ATE1: variants seen among roughly 807,000 people sequenced by gnomAD.
ATE1 encodes the protein arginyl-tRNA--protein transferase 1.
Under a neutral mutation model 70.5 loss-of-function variants are expected in ATE1, and 36 were observed. That is an observed-to-expected ratio of 0.51 (90% CI 0.39 to 0.67). The LOEUF (loss-of-function observed/expected upper bound fraction) is 0.67, where lower values mean the gene tolerates loss of function less well. Among genes scored for constraint, ATE1 ranks in the 30% least tolerant of loss-of-function variants. ATE1 has a pLI of 0.00. For synonymous variants in ATE1, 232 were observed against 219.3 expected (o/e 1.06, Z -0.51); for missense variants, 593 against 629.5 (o/e 0.94, Z 0.62).
Position 121,899,850 on chromosome 10 carries a change from C to T in ATE1, c.942+16G>A, listed in dbSNP as rs1950910820. On this transcript the variant is annotated intron_variant, in intron 7 of 11. Coordinates refer to ENST00000224652, the MANE Select transcript of ATE1 (RefSeq NM_001001976.3). ...AAGCTCTGTTTGCACAGGAAAATTACACTTGGCCTGCTGACCTGGCTTTCG... is the reference window on the plus strand; with the variant it reads ...AAGCTCTGTTTGCACAGGAAAATTATACTTGGCCTGCTGACCTGGCTTTCG... 1 of 1,609,172 alleles carries T rather than the reference C, an allele frequency of 6.2e-7. No homozygotes were observed. The highest frequency in any genetic ancestry group is 8.5e-7 in the Non-Finnish European group (1 of 1,177,502).
At chr10:121,841,734 A>C (rs919371878) in intron 8 of ATE1, among the ~76,000 whole-genome samples, 1 of 152,144 alleles carries the variant, frequency 6.6e-6, no homozygotes, top group African/African-American at 2.4e-5. Flanking sequence ...CAAAAACATA[A>C]GAATGACACA....
At position 121,925,917 on chromosome 10, in the gene ATE1, A is replaced by T. The variant is rs374526975; in HGVS notation, c.107-1588T>A. ...AAAAAAAAAAAATTAAAGTTAAAAA[A>T]GAAATGGGCCAGGTGCAGTGGCTCA... On this transcript the variant is annotated intron_variant, in intron 1 of 11. Coordinates refer to ENST00000224652, the MANE Select transcript of ATE1 (RefSeq NM_001001976.3). 2.0e-5 allele frequency among the ~76,000 whole-genome samples: 3 copies of T among 151,646 alleles called. No individual in the cohort carries two copies. The South Asian group carries it at 6.2e-4, about 31-fold the overall frequency.
intron 11 of ATE1, among the ~76,000 whole-genome samples, chr10:121,778,554 A>G (rs1167468137): frequency 7.5e-6 from 1 of 133,316 alleles, no homozygotes; most frequent in Non-Finnish European, 1.6e-5. Context: ...AAACCTCCAG[A>G]TGTGGCCAGC....
intron 10 of ATE1, among the ~76,000 whole-genome samples, chr10:121,829,977 G>A (rs1033002493): frequency 2.6e-5 from 4 of 152,136 alleles, no homozygotes; most frequent in Non-Finnish European, 5.9e-5. Flanking sequence ...TTCATTTTCT[G>A]TGAGTTATTT....
chr10:121,799,567 C>G (rs1276956626), intron 10 of ATE1, among the ~76,000 whole-genome samples: 1 of 152,174 alleles, frequency 6.6e-6, no homozygotes, highest in African/African-American at 2.4e-5. Context: ...TGAGAAACAA[C>G]TGTTTCATCT....
intron 9 of ATE1, among the ~76,000 whole-genome samples, chr10:121,838,990 A>G (rs192561785): frequency 5.4e-4 from 83 of 152,338 alleles, no homozygotes; most frequent in African/African-American, 1.8e-3. Flanking sequence ...ATTAAAATCA[A>G]TAACAGAATT....
At chr10:121,859,070 A>G (rs563453584) in intron 8 of ATE1, among the ~76,000 whole-genome samples, 268 of 152,032 alleles carry the variant, frequency 1.8e-3, no homozygotes, top group Non-Finnish European at 2.6e-3. Context: ...ACTCCAGCCT[A>G]GGCAATAAGA....
intron 5 of ATE1, among the ~76,000 whole-genome samples, 154 bp downstream of exon 5, chr10:121,910,752 A>G (rs1346621268): frequency 6.6e-6 from 1 of 152,246 alleles, no homozygotes; most frequent in East Asian, 1.9e-4. Flanking sequence ...TGATTTGTCC[A>G]TCTAATTCTA....
intron 6 of ATE1, 89 bp downstream of exon 6, chr10:121,902,302 A>G: frequency 8.8e-7 from 1 of 1,135,540 alleles, no homozygotes; most frequent in Non-Finnish European, 1.3e-6. Flanking sequence ...AGCAAACATC[A>G]ACTAATTAGA....
At chr10:121,788,384 G>T (rs947090783) in intron 11 of ATE1, among the ~76,000 whole-genome samples, 2 of 152,196 alleles carry the variant, frequency 1.3e-5, no homozygotes, top group African/African-American at 4.8e-5. Context: ...AGGGGCTAAT[G>T]CCAGGGTACC....
intron 11 of ATE1, among the ~76,000 whole-genome samples, chr10:121,779,964 G>A (rs139580833): frequency 3.9e-4 from 59 of 152,172 alleles, no homozygotes; most frequent in African/African-American, 1.4e-3. Flanking sequence ...TTCCCTCTCT[G>A]GCCTCCAATG....
chr10:121,860,038 A>G (rs1949413274), intron 8 of ATE1, among the ~76,000 whole-genome samples: 1 of 152,238 alleles, frequency 6.6e-6, no homozygotes, highest in Admixed American at 6.5e-5. Flanking sequence ...AACATAAAAC[A>G]GCATAGTGGA....
At chr10:121,833,524 G>C (rs1948325324) in intron 10 of ATE1, among the ~76,000 whole-genome samples, 1 of 152,096 alleles carries the variant, frequency 6.6e-6, no homozygotes, top group Admixed American at 6.6e-5. Flanking sequence ...AATGTAAACT[G>C]CTATGGGGTA....
chr10:121,817,942 C>A (rs140978757), intron 10 of ATE1, among the ~76,000 whole-genome samples: 2 of 152,024 alleles, frequency 1.3e-5, no homozygotes, highest in Admixed American at 6.5e-5. Flanking sequence ...AATTTTACAA[C>A]TAAAATTTGA....
At chr10:121,775,451 T>TGCACATCC (rs1454558675) in intron 11 of ATE1, among the ~76,000 whole-genome samples, 4 of 152,018 alleles carry the variant, frequency 2.6e-5, no homozygotes, top group Non-Finnish European at 5.9e-5. Context: ...TGTGCACATC[T>TGCACATCC]GCACATCCCG....
intron 7 of ATE1, among the ~76,000 whole-genome samples, chr10:121,875,573 G>A (rs567268640): frequency 1.1e-3 from 174 of 152,130 alleles, no homozygotes; most frequent in Non-Finnish European, 2.0e-3. Context: ...CCAAACTGCT[G>A]GGATTACAGG....
At chr10:121,845,558 C>A (rs536309373) in intron 8 of ATE1, among the ~76,000 whole-genome samples, 1 of 152,084 alleles carries the variant, frequency 6.6e-6, no homozygotes, top group Non-Finnish European at 1.5e-5. Context: ...GAAATGAAAG[C>A]GGTTTCTAAG....
At chr10:121,856,935 C>T (rs1949271696) in intron 8 of ATE1, among the ~76,000 whole-genome samples, 1 of 152,164 alleles carries the variant, frequency 6.6e-6, no homozygotes, top group Non-Finnish European at 1.5e-5. Context: ...ATCAAAAAAG[C>T]TAACATCATA....
intron 3 of ATE1, among the ~76,000 whole-genome samples, chr10:121,917,426 A>C (rs896123670): frequency 2.6e-5 from 4 of 152,202 alleles, no homozygotes; most frequent in African/African-American, 9.6e-5. Context: ...GTGCAGGAAA[A>C]GTAATCACAG....
Sources: allele counts gnomAD v4.1 joint callset (sites outside exome capture counted in the v4.1 genomes callset), GRCh38; gene constraint gnomAD v4.1.1; transcripts MANE v1.5; gene names NCBI Gene and HGNC (gene_info 2026-07-23, HGNC 2026-07-21).